The following RBM45 variants were observed in gnomAD, a reference collection of about 807,000 sequenced individuals.
RBM45 encodes the protein RNA-binding protein 45.
Under a neutral mutation model 58.5 loss-of-function variants are expected in RBM45, and 39 were observed. The observed-to-expected ratio is 0.67, with a 90% CI of 0.52 to 0.87. The LOEUF is 0.87. Among genes scored for constraint, RBM45 ranks in the 40% least tolerant of loss-of-function variants. RBM45 has a pLI of 0.00. For synonymous variants in RBM45, 193 were observed against 203.0 expected (o/e 0.95, Z 0.42); for missense variants, 481 against 581.6 (o/e 0.83, Z 1.78).
intron 8 of RBM45, 152 bp from the exon 9 acceptor site, chr2:178,125,832 A>G (rs1234811011): frequency 5.6e-6 from 4 of 717,420 alleles, no homozygotes; most frequent in Admixed American, 2.0e-5. Flanking sequence ...ATGAGAATGA[A>G]TAGAATTGAC....
intron 1 of RBM45, among the ~76,000 whole-genome samples, 186 bp from the exon 2 acceptor site, chr2:178,116,076 T>G (rs2087770404): frequency 6.6e-6 from 1 of 151,626 alleles, no homozygotes; most frequent in African/African-American, 2.4e-5. Flanking sequence ...CACTTGAGCC[T>G]AGAATGTTGA....
chr2:178,123,151 A>G (rs1298904380), intron 5 of RBM45, among the ~76,000 whole-genome samples: 2 of 152,170 alleles, frequency 1.3e-5, no homozygotes, highest in Non-Finnish European at 2.9e-5. Flanking sequence ...CCTACCCAGT[A>G]TGGTTGGGAA....
At chr2:178,117,033 T>G (rs868209514) in intron 2 of RBM45, among the ~76,000 whole-genome samples, 39 of 152,342 alleles carry the variant, frequency 2.6e-4, no homozygotes, top group Middle Eastern at 3.4e-3. Context: ...CATTAACTTA[T>G]GCAGTGATGA....
chr2:178,125,113 T>C (rs2087911560), intron 8 of RBM45, among the ~76,000 whole-genome samples: 1 of 152,194 alleles, frequency 6.6e-6, no homozygotes, highest in African/African-American at 2.4e-5. Flanking sequence ...TGATAGTATA[T>C]TGAGGCTCAA....
chr2:178,137,675 T>C (rs2153908095), exon 4 of RBM45: 1 of 152,068 alleles, frequency 6.6e-6, no homozygotes, highest in South Asian at 2.1e-4. Context: ...AATGGGGGAG[T>C]TCACAAAGGG....
intron 8 of RBM45, among the ~76,000 whole-genome samples, chr2:178,124,995 T>C (rs1451236028): frequency 1.3e-5 from 2 of 152,326 alleles, no homozygotes; most frequent in East Asian, 3.9e-4. Context: ...AACTCCTTTC[T>C]TTGCTTTTTC....
At chr2:178,125,429 A>T (rs1489038757) in intron 8 of RBM45, among the ~76,000 whole-genome samples, 1 of 152,192 alleles carries the variant, frequency 6.6e-6, no homozygotes, top group Non-Finnish European at 1.5e-5. Context: ...GAAAGAAGGA[A>T]GGTGTATGTG....
chr2:178,113,171 A>G (rs370672126), intron 1 of RBM45, among the ~76,000 whole-genome samples: 1 of 152,266 alleles, frequency 6.6e-6, no homozygotes. Context: ...TCTTGAGTTC[A>G]CTGCCAAACT....
chr2:178,128,218 T>G (rs2087960294), intron 9 of RBM45, among the ~76,000 whole-genome samples: 1 of 151,984 alleles, frequency 6.6e-6, no homozygotes, highest in Middle Eastern at 3.2e-3. Context: ...CAGGCTGGCC[T>G]TGAACTCCTA....
intron 5 of RBM45, 64 bp downstream of exon 5, chr2:178,121,423 CACA>C: frequency 1.3e-6 from 1 of 747,678 alleles, no homozygotes. Context: ...CACACACACA[CACA>C]CACACACACA....
At chr2:178,130,348 G>A (rs926660524), downstream of RBM45, among the ~76,000 whole-genome samples, 1 of 151,976 alleles carries the variant, frequency 6.6e-6, no homozygotes, top group Non-Finnish European at 1.5e-5. Context: ...CAACATAGAG[G>A]ACCCGGTCTC....
exon 4 of RBM45, chr2:178,137,066 A>T (rs1320343156): frequency 6.6e-6 from 1 of 152,174 alleles, no homozygotes; most frequent in Non-Finnish European, 1.5e-5. Flanking sequence ...TAGTGGATAG[A>T]TTCATTTTGT....
chr2:178,132,684 G>C (rs1481076292), downstream of RBM45, among the ~76,000 whole-genome samples: 1 of 152,102 alleles, frequency 6.6e-6, no homozygotes. Context: ...TCCACCTCCC[G>C]GGTTCAAGCG....
At position 178,112,686 on chromosome 2, in the gene RBM45, CT is replaced by C; in HGVS notation, c.144del (p.Phe48LeufsTer79). ...PESVLRERFS[P>X]FGDIQDIWVV... ...TCGGTGCTGAGGGAGCGCTTCTCGC[CT>C]TTTGGCGACATCCAGGACATCTGGG... On this transcript the variant is annotated frameshift_variant, in exon 1 of 10. Transcript: ENST00000286070. LOFTEE classifies it high-confidence loss of function. 1.2e-6 allele frequency: 2 copies of C among 1,614,252 alleles called. No individual in the cohort carries two copies. The highest frequency in any genetic ancestry group is 1.7e-6 in the Non-Finnish European group (2 of 1,180,046).
In RBM45 at chr2:178,120,735, A is replaced by G. The variant is rs1559079642; in HGVS notation, c.673+326A>G. 2.6e-5 allele frequency among the ~76,000 whole-genome samples: 4 copies of G among 152,118 alleles called. No individual in the cohort carries two copies. The South Asian group carries it at 8.3e-4, about 31-fold the overall frequency. On this transcript the variant is annotated intron_variant, in intron 4 of 9. Coordinates refer to ENST00000286070, the MANE Select transcript of RBM45 (RefSeq NM_152945.4). ...AAAACTTAAAAAGACATATGTAGAG[A>G]TCCTCTCCGTATGAGTCCTAAAATT...
intron 1 of RBM45, among the ~76,000 whole-genome samples, chr2:178,114,598 T>C (rs773269811): frequency 6.6e-6 from 1 of 152,176 alleles, no homozygotes; most frequent in Non-Finnish European, 1.5e-5. Context: ...TGTTTCTTTT[T>C]CTTTTTTTGA....
rs1422192095 is a variant in RBM45 at position 178,123,915 on chromosome 2, A to T, written c.1068+3A>T. 6.2e-7 allele frequency: 1 copy of T among 1,611,332 alleles called. No homozygotes were observed. The highest frequency in any genetic ancestry group is 1.3e-5 in the African/African-American group (1 of 74,878). ...ACCCAAGTCAGCAACAATTTATGGT[A>T]AGTAGGTAAGAATTTAACCTTTATA... On this transcript the variant is annotated splice_donor_region_variant and intron_variant, in intron 7 of 9. Transcript: ENST00000286070.
chr2:178,123,616 T>A lies in RBM45; in HGVS notation c.948T>A (p.Gly316=), dbSNP rs775004370. The change falls in exon 6 of 10, where the codon GGT becomes GGA. Residue 316 remains glycine, a synonymous_variant. Transcript: ENST00000286070. Reference sequence around the variant, plus strand: ...AGTACCCTCCTGGGAACCGAATAGGTGTTTCCTTCATTGATGATGGAAGTA... The same window carrying A: ...AGTACCCTCCTGGGAACCGAATAGGAGTTTCCTTCATTGATGATGGAAGTA... ...GFQYPPGNRI[G]VSFIDDGSNA... The A allele has an allele frequency of 6.2e-7, 1 of 1,608,534 alleles. No individual in the cohort carries two copies. The highest frequency in any genetic ancestry group is 8.5e-7 in the Non-Finnish European group (1 of 1,178,394).
At chr2:178,112,885 G>T in intron 1 of RBM45, 39 bp downstream of exon 1, 1 of 1,584,940 alleles carries the variant, frequency 6.3e-7, no homozygotes, top group South Asian at 1.1e-5. Context: ...GGGGGAAGGA[G>T]TGGGCCTCTT....
Sources: allele counts gnomAD v4.1 joint callset (sites outside exome capture counted in the v4.1 genomes callset), GRCh38; gene constraint gnomAD v4.1.1; transcripts MANE v1.5; gene names NCBI Gene and HGNC (gene_info 2026-07-23, HGNC 2026-07-21).